HAPLN1: variants seen among roughly 807,000 people sequenced by gnomAD.
HAPLN1 encodes Cartilage link protein.
HAPLN1 carries 13 observed loss-of-function variants against 36.5 expected under a neutral mutation model. That is an observed-to-expected ratio of 0.36 (90% CI 0.23 to 0.57). The LOEUF (loss-of-function observed/expected upper bound fraction) is 0.57, where lower values mean the gene tolerates loss of function less well. Ranked by LOEUF, HAPLN1 falls within the 20% of genes least tolerant of loss-of-function variation. HAPLN1 has a pLI of 0.83. For synonymous variants in HAPLN1, 202 were observed against 169.8 expected, an observed-to-expected ratio of 1.19 and a Z score of -1.48; for missense variants, 407 against 439.7, an observed-to-expected ratio of 0.93 and a Z score of 0.66.
At chr5:83,670,559 T>G (rs994431354) in intron 2 of HAPLN1, among the ~76,000 whole-genome samples, 2 of 152,216 alleles carry the variant, frequency 1.3e-5, no homozygotes, top group African/African-American at 2.4e-5. Flanking sequence ...TAAAGCTAAG[T>G]CTTTTTCCAT....
In HAPLN1 at chr5:83,702,829, A is replaced by C. The variant is rs575010860; in HGVS notation, c.-27+17960T>G. 2.0e-5 allele frequency among the ~76,000 whole-genome samples: 3 copies of C among 152,006 alleles called. No individual in the cohort carries two copies. In the South Asian group the frequency reaches 6.2e-4, roughly 32 times the overall value. ...TTCAACTCACTGAAGACTCCGCCTC[A>C]ACCTCCCAAATAGCTGGGACTACAG... On this transcript the variant is annotated intron_variant, in intron 1 of 4. Transcript: ENST00000274341.
At chr5:83,717,307 T>C (rs963138727) in intron 1 of HAPLN1, among the ~76,000 whole-genome samples, 8 of 152,312 alleles carry the variant, frequency 5.3e-5, no homozygotes, top group African/African-American at 1.7e-4. Context: ...GTTATAATTT[T>C]GTGATATTAA....
chr5:83,673,512 T>C lies in HAPLN1; in HGVS notation c.12A>G (p.Leu4=), dbSNP rs768747470. The C allele has an allele frequency of 4.3e-6, 7 of 1,611,318 alleles. No homozygotes were observed. The highest frequency in any genetic ancestry group is 1.7e-5 in the Admixed American group (1 of 59,960). ...AGATTGAAATCAGCACCAGAAGAAG[T>C]AGACTCTTCATCTTTATAGCCCAAA... The part of the protein sequence containing the change: MKS[L]LLLVLISICW... The change falls in exon 2 of 5, where the codon CTA becomes CTG. Residue 4 remains leucine, a synonymous_variant. Transcript: ENST00000274341.
chr5:83,702,747 CT>C (rs35100692), intron 1 of HAPLN1, among the ~76,000 whole-genome samples: 105,923 of 150,394 alleles, frequency 0.7, 37,437 homozygotes, highest in Non-Finnish European at 0.75. Context: ...AACAGTTTTC[CT>C]TTTTTTTTTG....
At chr5:83,689,584 G>A (rs1385109197) in intron 1 of HAPLN1, among the ~76,000 whole-genome samples, 1 of 152,104 alleles carries the variant, frequency 6.6e-6, no homozygotes, top group Non-Finnish European at 1.5e-5. Flanking sequence ...GCAGGCTGCA[G>A]TGGAATGATA....
intron 1 of HAPLN1, among the ~76,000 whole-genome samples, chr5:83,708,048 G>C (rs1453708802): frequency 2.0e-5 from 3 of 152,180 alleles, no homozygotes; most frequent in Non-Finnish European, 2.9e-5. Flanking sequence ...CTATAATTAA[G>C]AAGTCAGAAA....
At chr5:83,715,487 T>G (rs530047058) in intron 1 of HAPLN1, among the ~76,000 whole-genome samples, 1 of 152,324 alleles carries the variant, frequency 6.6e-6, no homozygotes, top group East Asian at 1.9e-4. Flanking sequence ...ATGATGCGTA[T>G]CCATCTGTCT....
At chr5:83,708,934 C>T (rs1207938850) in intron 1 of HAPLN1, among the ~76,000 whole-genome samples, 1 of 152,010 alleles carries the variant, frequency 6.6e-6, no homozygotes, top group African/African-American at 2.4e-5. Context: ...TGGAGTGCAG[C>T]GGCGTGATCT....
chr5:83,644,325 G>T, intron 4 of HAPLN1, 38 bp downstream of exon 4: 1 of 1,418,414 alleles, frequency 7.1e-7, no homozygotes, highest in Non-Finnish European at 9.4e-7. Context: ...GGAATAGTCT[G>T]TGAGATAGGA....
At chr5:83,711,796 TAAAG>T (rs1751790475) in intron 1 of HAPLN1, among the ~76,000 whole-genome samples, 1 of 152,026 alleles carries the variant, frequency 6.6e-6, no homozygotes, top group South Asian at 2.1e-4. Flanking sequence ...TTGATATATA[TAAAG>T]AGAGATGACA....
At chr5:83,697,033 G>A (rs1751404274) in intron 1 of HAPLN1, among the ~76,000 whole-genome samples, 1 of 151,994 alleles carries the variant, frequency 6.6e-6, no homozygotes, top group African/African-American at 2.4e-5. Flanking sequence ...GTGTACCTAT[G>A]AGCTGTTATT....
intron 1 of HAPLN1, chr5:83,674,383 A>T (rs1446698176): frequency 6.6e-6 from 1 of 152,258 alleles, no homozygotes. Context: ...AGGGAGGCAC[A>T]GATCTGGTCC....
intron 2 of HAPLN1, among the ~76,000 whole-genome samples, chr5:83,665,615 T>C (rs1370322217): frequency 6.6e-6 from 1 of 152,228 alleles, no homozygotes; most frequent in Non-Finnish European, 1.5e-5. Context: ...ATCTCCATAC[T>C]TGACTGTAGT....
chr5:83,652,393 G>GA lies in HAPLN1; in HGVS notation c.472+59dup, dbSNP rs375988944. The GA allele has an allele frequency of 6.7e-3, 9,973 of 1,478,450 alleles. 433 individuals carry two copies. In the African/African-American group the frequency reaches 0.11, roughly 17 times the overall value. 91.6% of individuals were successfully genotyped at this position (1,478,450 alleles called of 1,614,324 possible). A position where few individuals can be genotyped will look rare whatever the true frequency, so the allele number is the denominator to read the frequency against. ...TTAACCACTAGACATTACTCTTCAT[G>GA]AAAAAAAAAGCAACTATTAATGACC... On this transcript the variant is annotated intron_variant, in intron 3 of 4. Transcript: ENST00000274341.
chr5:83,715,958 G>C (rs1751904924), intron 1 of HAPLN1, among the ~76,000 whole-genome samples: 1 of 152,178 alleles, frequency 6.6e-6, no homozygotes, highest in Non-Finnish European at 1.5e-5. Flanking sequence ...TTTTAGAATG[G>C]ATTTTCATAG....
At chr5:83,701,720 C>T (rs1751510942) in intron 1 of HAPLN1, among the ~76,000 whole-genome samples, 1 of 152,200 alleles carries the variant, frequency 6.6e-6, no homozygotes, top group Admixed American at 6.5e-5. Context: ...GGTGGATCAC[C>T]TGAGGTCAGG....
intron 1 of HAPLN1, among the ~76,000 whole-genome samples, chr5:83,692,776 T>C (rs72772927): frequency 0.031 from 4,749 of 151,896 alleles, 286 homozygotes; most frequent in East Asian, 0.3. Flanking sequence ...AAGGTAAAAA[T>C]GATATGAATG....
intron 1 of HAPLN1, chr5:83,675,266 T>C (rs1032854630): frequency 6.6e-6 from 1 of 152,164 alleles, no homozygotes; most frequent in African/African-American, 2.4e-5. Context: ...AACACAAATA[T>C]GAAACAACAG....
chr5:83,719,550 T>C (rs1484674480), intron 1 of HAPLN1, among the ~76,000 whole-genome samples: 1 of 152,236 alleles, frequency 6.6e-6, no homozygotes, highest in Non-Finnish European at 1.5e-5. Flanking sequence ...GTATACATTA[T>C]ATTTTACTGA....
Sources: gnomAD v4.1 joint callset for allele counts (sites outside exome capture counted in the v4.1 genomes callset) on GRCh38, gnomAD v4.1.1 for gene constraint, MANE v1.5 for transcripts, NCBI Gene and HGNC (gene_info 2026-07-23, HGNC 2026-07-21) for gene names.